Variants in BEND7 observed in about 807,000 individuals in gnomAD.
BEND7 encodes BEN domain containing 7.
A neutral mutation model predicts 50.9 loss-of-function variants in BEND7; 28 were observed. The observed-to-expected ratio is 0.55, with a 90% confidence interval of 0.41 to 0.75. BEND7 has a LOEUF of 0.75. BEND7 is among the 30% of genes least tolerant of loss of function. BEND7 has a pLI of 0.00. For synonymous variants in BEND7, 170 were observed against 183.9 expected (o/e 0.92, Z 0.61); for missense variants, 477 against 491.3 (o/e 0.97, Z 0.28).
At chr10:13,502,866 C>G in intron 2 of BEND7, 7 of 984,404 alleles carry the variant, frequency 7.1e-6, no homozygotes, top group Non-Finnish European at 8.4e-6. Flanking sequence ...CCCACCCCGG[C>G]TCTCAAGTCC....
chr10:13,441,867 C>A (rs905306038), intron 8 of BEND7, 117 bp from the exon 9 acceptor site: 17 of 1,037,838 alleles, frequency 1.6e-5, no homozygotes, highest in Non-Finnish European at 2.2e-5. Flanking sequence ...TTGTAGCCCC[C>A]CAAAAGAAGA....
chr10:13,516,684 C>T (rs764879053), intron 2 of BEND7, among the ~76,000 whole-genome samples: 17 of 152,046 alleles, frequency 1.1e-4, no homozygotes, highest in Non-Finnish European at 1.8e-4. Context: ...AAAATCGCGC[C>T]GCTGCACTCC....
chr10:13,509,367 C>A (rs1443515197), intron 2 of BEND7, among the ~76,000 whole-genome samples: 2 of 152,194 alleles, frequency 1.3e-5, no homozygotes, highest in African/African-American at 4.8e-5. Flanking sequence ...CAGCACTGGG[C>A]ACCCACAGTT....
In BEND7 at chr10:13,527,944, C is replaced by T. The variant is rs2079536052; in HGVS notation, c.61+529G>A. 7.8e-6 allele frequency: 5 copies of T among 642,930 alleles called. No individual in the cohort carries two copies. In the South Asian group the frequency reaches 3.5e-4, roughly 45 times the overall value. The allele number at this position is 642,930 out of a possible 1,614,324, so 39.8% of individuals were successfully genotyped here. Reference sequence around the variant, plus strand: ...GACTGCTATATGATCTAGTCTAAAACACCTTTCCAACCCAAATCAGCTAGC... The same window carrying T: ...GACTGCTATATGATCTAGTCTAAAATACCTTTCCAACCCAAATCAGCTAGC... On this transcript the variant is annotated intron_variant, in intron 1 of 8. Coordinates refer to ENST00000466271, the MANE Select transcript of BEND7 (RefSeq NM_001369863.1).
At chr10:13,509,350 T>C (rs1236609678) in intron 2 of BEND7, among the ~76,000 whole-genome samples, 1 of 152,178 alleles carries the variant, frequency 6.6e-6, no homozygotes, top group Non-Finnish European at 1.5e-5. Context: ...CTACGGACCC[T>C]GGGCCCCAGC....
chr10:13,502,227 T>A (rs997494007), intron 2 of BEND7, among the ~76,000 whole-genome samples: 3 of 152,202 alleles, frequency 2.0e-5, no homozygotes, highest in Non-Finnish European at 4.4e-5. Flanking sequence ...TTATTTTGAA[T>A]TTACTGTTCA....
chr10:13,461,789 T>C (rs1403123340), intron 6 of BEND7, among the ~76,000 whole-genome samples: 9 of 151,586 alleles, frequency 5.9e-5, no homozygotes, highest in Admixed American at 3.9e-4. Context: ...GGATCTGAGG[T>C]TGCACCATTG....
intron 2 of BEND7, among the ~76,000 whole-genome samples, chr10:13,511,990 G>A (rs141971952): frequency 5.8e-4 from 89 of 152,286 alleles, no homozygotes; most frequent in African/African-American, 1.3e-3. Context: ...CGTGGGTGCC[G>A]TGTGAACTAG....
At chr10:13,489,463 A>T (rs975031973) in intron 5 of BEND7, among the ~76,000 whole-genome samples, 2 of 152,182 alleles carry the variant, frequency 1.3e-5, no homozygotes, top group Non-Finnish European at 2.9e-5. Flanking sequence ...GTTGCGGGAC[A>T]CACTCCACTT....
At chr10:13,471,450 T>C (rs552273495) in intron 6 of BEND7, among the ~76,000 whole-genome samples, 4 of 152,380 alleles carry the variant, frequency 2.6e-5, no homozygotes, top group Non-Finnish European at 5.9e-5. Context: ...AAGGGGACTT[T>C]AGCCAATGCC....
chr10:13,495,117 G>A (rs2076938548), intron 4 of BEND7, among the ~76,000 whole-genome samples: 1 of 152,226 alleles, frequency 6.6e-6, no homozygotes. Flanking sequence ...TCAGTAGTAA[G>A]GAGCTTAAGT....
intron 8 of BEND7, chr10:13,442,284 T>C (rs1835449095): frequency 6.5e-6 from 1 of 153,062 alleles, no homozygotes; most frequent in South Asian, 2.1e-4. Flanking sequence ...GAACTGCTAG[T>C]GGACAGGTGT....
At chr10:13,478,986 T>C (rs2131680368) in intron 6 of BEND7, among the ~76,000 whole-genome samples, 1 of 151,248 alleles carries the variant, frequency 6.6e-6, no homozygotes, top group South Asian at 2.1e-4. Context: ...AATGAAGATG[T>C]GTCCTCTATT....
At position 13,496,851 on chromosome 10, in the gene BEND7, G is replaced by C. The variant is rs200443723; in HGVS notation, c.486C>G (p.Asn162Lys). The C allele has an allele frequency of 1.3e-6, 2 of 1,577,296 alleles. No homozygotes were observed. Among genetic ancestry groups the C allele is most frequent in the East Asian group, 2.4e-5 (1 of 40,976 alleles). The change falls in exon 4 of 9, where the codon AAC becomes AAG. Residue 162 changes from asparagine to lysine, a missense_variant. Coordinates refer to ENST00000466271, the MANE Select transcript of BEND7 (RefSeq NM_001369863.1). ...LPVVNSSAGS[N>K]CCTCNCQSTL... is the part of the protein sequence containing the mutation. ...TTGACTGGCAGTTACAAGTACAGCA[G>C]TTTGATCCAGCTGATGAATTCACCA...
intron 2 of BEND7, among the ~76,000 whole-genome samples, chr10:13,506,122 T>C (rs957281526): frequency 3.9e-5 from 6 of 152,194 alleles, no homozygotes; most frequent in Non-Finnish European, 7.4e-5. Context: ...CTCCAAATAA[T>C]GGTCCTGGTT....
chr10:13,465,750 C>G (rs72783400), intron 6 of BEND7, among the ~76,000 whole-genome samples: 5,144 of 152,048 alleles, frequency 0.034, 131 homozygotes, highest in Admixed American at 0.061. Flanking sequence ...GCTTGAATGA[C>G]AGTCAGGAGT....
rs181825866 is a variant in BEND7 at position 13,478,938 on chromosome 10, C to A, written c.1063+1961G>T. Among the ~76,000 whole-genome samples the A allele has an allele frequency of 2.4e-4, 37 of 151,732 alleles. 1 individual carries two copies. The South Asian group carries it at 2.9e-3, about 12-fold the overall frequency. ...CTTTATTATATATTGGGAGCAAAGACCTCATTTGCCATTTTTATAGAGTAC... is the reference window on the plus strand; with the variant it reads ...CTTTATTATATATTGGGAGCAAAGAACTCATTTGCCATTTTTATAGAGTAC... On this transcript the variant is annotated intron_variant, in intron 6 of 8. Coordinates refer to ENST00000466271, the MANE Select transcript of BEND7 (RefSeq NM_001369863.1).
At chr10:13,529,519 A>G (rs1196389308), upstream of BEND7, among the ~76,000 whole-genome samples, 3 of 152,136 alleles carry the variant, frequency 2.0e-5, no homozygotes, top group Non-Finnish European at 2.9e-5. Flanking sequence ...TCCCTAACCC[A>G]GGCTGGGCGG....
At chr10:13,527,362 A>G in intron 1 of BEND7, among the ~76,000 whole-genome samples, 1 of 152,244 alleles carries the variant, frequency 6.6e-6, no homozygotes, top group South Asian at 2.1e-4. Context: ...AATGCCTATA[A>G]TCAAAGCATT....
Sources: allele counts gnomAD v4.1 joint callset (sites outside exome capture counted in the v4.1 genomes callset), GRCh38; gene constraint gnomAD v4.1.1; transcripts MANE v1.5; gene names NCBI Gene and HGNC (gene_info 2026-07-23, HGNC 2026-07-21).